Variants in FBXL13 observed in about 807,000 individuals in gnomAD.
FBXL13 encodes F-box and leucine-rich repeat protein 13.
Under a neutral mutation model 83.6 loss-of-function variants are expected in FBXL13, and 67 were observed. That is an observed-to-expected ratio of 0.80 (90% CI 0.66 to 0.98). The LOEUF (loss-of-function observed/expected upper bound fraction) is 0.98, where lower values mean the gene tolerates loss of function less well. Ranked by LOEUF, FBXL13 falls within the 50% of genes least tolerant of loss-of-function variation. The probability of loss-of-function intolerance (pLI) is 0.00; values close to 1 mark genes in which losing one functional copy is unlikely to be tolerated. For missense variants in FBXL13, 822 were observed against 866.5 expected (o/e 0.95, Z 0.64); for synonymous variants, 272 against 299.5 (o/e 0.91, Z 0.95).
chr7:102,991,151 T>G (rs79998946), intron 6 of FBXL13, among the ~76,000 whole-genome samples: 1,673 of 151,790 alleles, frequency 0.011, 34 homozygotes, highest in African/African-American at 0.039. Flanking sequence ...AGAAAGAAAG[T>G]GAAATTACAT....
chr7:102,931,383 G>A (rs1819142209), intron 9 of FBXL13, among the ~76,000 whole-genome samples: 2 of 149,260 alleles, frequency 1.3e-5, no homozygotes, highest in Non-Finnish European at 3.0e-5. Context: ...TGTGTAGCTG[G>A]TGGAAGATGA....
intron 14 of FBXL13, among the ~76,000 whole-genome samples, chr7:102,881,779 G>A (rs966815015): frequency 1.4e-5 from 2 of 147,820 alleles, no homozygotes; most frequent in Non-Finnish European, 2.9e-5. Flanking sequence ...GGTTTGACTG[G>A]GGCTGTAGGG....
intron 6 of FBXL13, among the ~76,000 whole-genome samples, chr7:102,983,625 G>A (rs866995088): frequency 5.9e-5 from 9 of 151,872 alleles, no homozygotes; most frequent in East Asian, 5.8e-4. Context: ...TCACCATGTC[G>A]GCCGGGGCTG....
In FBXL13 at chr7:102,926,200, C is replaced by A. The variant is rs1818098558; in HGVS notation, c.878+74G>T. 6.2e-6 allele frequency: 8 copies of A among 1,291,522 alleles called. 1 individual carries two copies. The Admixed American group carries it at 1.7e-4, about 27-fold the overall frequency. The allele number at this position is 1,291,522 out of a possible 1,614,324, so 80.0% of individuals were successfully genotyped here. A position where few individuals can be genotyped will look rare whatever the true frequency, so the allele number is the denominator to read the frequency against. On this transcript the variant is annotated intron_variant, in intron 10 of 19. Coordinates refer to ENST00000313221, the Ensembl canonical transcript of FBXL13. ...GTTGATAAAGGGAGCACTGCCCTTGCAGAATGCTAGAGCAAGCCAGAGACT... is the reference window on the plus strand; with the variant it reads ...GTTGATAAAGGGAGCACTGCCCTTGAAGAATGCTAGAGCAAGCCAGAGACT...
Position 102,826,724 on chromosome 7 carries a change from C to CATATATATATAT in FBXL13, c.1855-4533_1855-4522dup, listed in dbSNP as rs58307950. Among the ~76,000 whole-genome samples, 77 of 62,652 alleles carry CATATATATATAT rather than the reference C, an allele frequency of 1.2e-3. 1 individual carries two copies. The highest frequency in any genetic ancestry group is 2.0e-3 in the Non-Finnish European group (52 of 26,232). 41.1% of individuals were successfully genotyped at this position (62,652 alleles called of 152,430 possible). ...TGGGAGACAGAGTGAGACCCTGTCT[C>CATATATATATAT]ATATATATATATATATATATATATA... On this transcript the variant is annotated intron_variant, in intron 18 of 19. Transcript: ENST00000313221.
exon 2 of FBXL13, chr7:103,055,718 A>T: frequency 7.8e-7 from 1 of 1,284,656 alleles, no homozygotes; most frequent in Non-Finnish European, 1.0e-6. Flanking sequence ...GATCCTCAGG[A>T]CATGTAACAA....
intron 11 of FBXL13, among the ~76,000 whole-genome samples, chr7:102,894,440 T>C (rs1811999838): frequency 6.6e-6 from 1 of 151,960 alleles, no homozygotes; most frequent in Non-Finnish European, 1.5e-5. Context: ...GGTGAAAAAA[T>C]AGAGTGCACA....
chr7:102,876,749 G>A (rs1194664828), intron 16 of FBXL13, among the ~76,000 whole-genome samples: 1 of 152,102 alleles, frequency 6.6e-6, no homozygotes, highest in Non-Finnish European at 1.5e-5. Flanking sequence ...GCAGATGGAG[G>A]AGGGATCCTT....
At chr7:102,929,402 C>T (rs2129472627) in intron 9 of FBXL13, among the ~76,000 whole-genome samples, 1 of 152,276 alleles carries the variant, frequency 6.6e-6, no homozygotes, top group South Asian at 2.1e-4. Flanking sequence ...TGTCTCACGC[C>T]TGTAATCCCA....
chr7:102,912,916 T>C (rs774817702), intron 11 of FBXL13, 170 bp downstream of exon 12: 1 of 806,340 alleles, frequency 1.2e-6, no homozygotes, highest in Non-Finnish European at 1.9e-6. Flanking sequence ...CAAGAGCCTA[T>C]AATAGCGATC....
In FBXL13 at chr7:103,061,949, A is replaced by C. The variant is rs1193217823; in HGVS notation, c.-104-6202T>G. Reference sequence around the variant, plus strand: ...CAAGACTGCGTCTCAAAAAAAAAAAAAAAAAAAACCTGATTGGCAACTTAA... The same window carrying C: ...CAAGACTGCGTCTCAAAAAAAAAAACAAAAAAAACCTGATTGGCAACTTAA... On this transcript the variant is annotated intron_variant, in intron 1 of 19. Coordinates refer to ENST00000313221, the Ensembl canonical transcript of FBXL13. Among the ~76,000 whole-genome samples the C allele has an allele frequency of 1.2e-4, 18 of 151,376 alleles. No homozygotes were observed. The East Asian group carries it at 2.3e-3, about 20-fold the overall frequency.
chr7:103,028,682 C>T, exon 4 of FBXL13: 1 of 1,602,832 alleles, frequency 6.2e-7, no homozygotes, highest in Non-Finnish European at 8.5e-7. Flanking sequence ...TGTAGCATGT[C>T]ACTGCTCTGT....
chr7:102,859,582 AG>A (rs1806515990), intron 16 of FBXL13, among the ~76,000 whole-genome samples: 1 of 152,124 alleles, frequency 6.6e-6, no homozygotes, highest in African/African-American at 2.4e-5. Context: ...TGGGAGGGAC[AG>A]GAAGAGTGGA....
At chr7:103,038,319 T>C (rs1339771384) in intron 2 of FBXL13, among the ~76,000 whole-genome samples, 2 of 151,636 alleles carry the variant, frequency 1.3e-5, no homozygotes, top group Non-Finnish European at 2.9e-5. Flanking sequence ...AAGCACAAAC[T>C]GGGCGGAGCC....
At chr7:102,923,733 A>AG (rs1426174514) in intron 10 of FBXL13, among the ~76,000 whole-genome samples, 5 of 152,120 alleles carry the variant, frequency 3.3e-5, no homozygotes, top group African/African-American at 9.7e-5. Flanking sequence ...CTGAGGCAGG[A>AG]GAATTGCTTT....
exon 15 of FBXL13, chr7:102,878,435 T>C: frequency 1.2e-6 from 2 of 1,601,840 alleles, no homozygotes; most frequent in Non-Finnish European, 1.7e-6. Flanking sequence ...ATTGCTTTAG[T>C]CCCATATCAC....
intron 11 of FBXL13, among the ~76,000 whole-genome samples, chr7:102,904,593 G>T (rs115381270): frequency 0.012 from 1,806 of 151,230 alleles, 38 homozygotes; most frequent in African/African-American, 0.042. Flanking sequence ...TTTTGTATTG[G>T]TTTTTTCATT....
intron 17 of FBXL13, among the ~76,000 whole-genome samples, chr7:102,839,430 T>A (rs971453287): frequency 6.6e-6 from 1 of 152,194 alleles, no homozygotes; most frequent in African/African-American, 2.4e-5. Context: ...TTTGTCTCTG[T>A]GTCTTATTTC....
chr7:102,835,054 ATGTAT>A (rs1227726093), intron 17 of FBXL13, among the ~76,000 whole-genome samples: 1 of 152,234 alleles, frequency 6.6e-6, no homozygotes, highest in Non-Finnish European at 1.5e-5. Context: ...AGATGCACAA[ATGTAT>A]TGTACTTTGA....
Sources: allele counts gnomAD v4.1 joint callset (sites outside exome capture counted in the v4.1 genomes callset), GRCh38; gene constraint gnomAD v4.1.1; transcripts MANE v1.5; gene names NCBI Gene and HGNC (gene_info 2026-07-23, HGNC 2026-07-21).